SCN8A: variants seen among roughly 807,000 people sequenced by gnomAD.
SCN8A encodes the protein sodium channel protein type 8 subunit alpha.
SCN8A carries 30 observed loss-of-function variants against 184.1 expected under a neutral mutation model. That is an observed-to-expected ratio of 0.16 (90% CI 0.12 to 0.22). The LOEUF is 0.22. Ranked by LOEUF, SCN8A falls within the 10% of genes least tolerant of loss-of-function variation. SCN8A has a pLI of 1.00. For synonymous variants in SCN8A, 852 were observed against 907.0 expected (o/e 0.94, Z 1.09); for missense variants, 1,057 against 2,498.9 (o/e 0.42, Z 12.30).
intron 11 of SCN8A, among the ~76,000 whole-genome samples, chr12:51,720,075 C>CAAAAAAAA (rs397944526): frequency 1.2e-5 from 1 of 85,500 alleles, no homozygotes; most frequent in Non-Finnish European, 2.1e-5. Flanking sequence ...GACTCCGTCT[C>CAAAAAAAA]AAAAAAAAAA....
intron 1 of SCN8A, among the ~76,000 whole-genome samples, chr12:51,593,922 C>T (rs1939288330): frequency 6.6e-6 from 1 of 152,170 alleles, no homozygotes; most frequent in African/African-American, 2.4e-5. Flanking sequence ...TTTCAAATAG[C>T]AAGCAACTGT....
intron 1 of SCN8A, among the ~76,000 whole-genome samples, chr12:51,597,572 G>A (rs1370020994): frequency 4.6e-5 from 7 of 152,124 alleles, no homozygotes; most frequent in African/African-American, 1.7e-4. Context: ...GGGAGAAAAA[G>A]TCAAAATTAA....
chr12:51,774,269 C>G lies in SCN8A; in HGVS notation c.3726C>G (p.Ile1242Met). 1 of 1,614,154 alleles carries G rather than the reference C, an allele frequency of 6.2e-7. No homozygotes were observed. Among genetic ancestry groups the G allele is most frequent in the Non-Finnish European group, 8.5e-7 (1 of 1,180,010 alleles). Residue 1242 changes from isoleucine (I) to methionine (M), a missense_variant, in exon 20 of 27, where the codon ATC becomes ATG. Ile to Met is a conservative substitution (Grantham distance 10, BLOSUM62 1). Coordinates refer to ENST00000627620, the MANE Select transcript of SCN8A (RefSeq NM_001330260.2). Reference protein sequence around the residue: ...LEYADKVFTYIFILEMLLKWT... With the variant: ...LEYADKVFTYMFILEMLLKWT... ...ATGCTGACAAAGTCTTCACCTATAT[C>G]TTCATCCTGGAGATGTTGCTCAAGT...
chr12:51,719,754 GAGA>G (rs1371242891), intron 11 of SCN8A, among the ~76,000 whole-genome samples: 1 of 150,236 alleles, frequency 6.7e-6, no homozygotes, highest in Non-Finnish European at 1.5e-5. Context: ...GAAATTGAAG[GAGA>G]AGAATAAATA....
chr12:51,610,854 A>G (rs1939706230), intron 1 of SCN8A, among the ~76,000 whole-genome samples: 1 of 152,170 alleles, frequency 6.6e-6, no homozygotes, highest in Admixed American at 6.5e-5. Context: ...CACACTGTTG[A>G]TTACTGTAGC....
intron 26 of SCN8A, among the ~76,000 whole-genome samples, chr12:51,797,296 T>C (rs1234827590): frequency 6.6e-6 from 1 of 152,146 alleles, no homozygotes; most frequent in East Asian, 1.9e-4. Flanking sequence ...ACTTAAATGC[T>C]GATACGAAGT....
intron 14 of SCN8A, among the ~76,000 whole-genome samples, chr12:51,752,407 C>G (rs1364627131): frequency 6.6e-6 from 1 of 151,768 alleles, no homozygotes; most frequent in Non-Finnish European, 1.5e-5. Context: ...CTCACTCTCT[C>G]TCTCCCTCTC....
At chr12:51,613,932 T>G (rs1459244447) in intron 1 of SCN8A, among the ~76,000 whole-genome samples, 1 of 152,138 alleles carries the variant, frequency 6.6e-6, no homozygotes, top group Non-Finnish European at 1.5e-5. Context: ...TATTTCAATA[T>G]TTTACAATTT....
At chr12:51,606,894 T>G (rs570066267) in intron 1 of SCN8A, among the ~76,000 whole-genome samples, 22 of 151,182 alleles carry the variant, frequency 1.5e-4, no homozygotes, top group Admixed American at 1.4e-3. Context: ...TTATATATAT[T>G]TATTTATTTA....
At chr12:51,648,739 G>A (rs1359227118) in intron 1 of SCN8A, among the ~76,000 whole-genome samples, 3 of 152,156 alleles carry the variant, frequency 2.0e-5, no homozygotes, top group South Asian at 2.1e-4. Context: ...CCCACAACAC[G>A]TGGGAATCAT....
chr12:51,764,876 G>A (rs1261918761), intron 15 of SCN8A, among the ~76,000 whole-genome samples: 1 of 150,184 alleles, frequency 6.7e-6, no homozygotes, highest in Admixed American at 6.6e-5. Flanking sequence ...CCAGATTCAA[G>A]TGATTGTCAT....
chr12:51,684,270 G>A lies in SCN8A; in HGVS notation c.373G>A (p.Ala125Thr). 6.3e-7 allele frequency: 1 copy of A among 1,583,172 alleles called. No homozygotes were observed. Among genetic ancestry groups the A allele is most frequent in the Non-Finnish European group, 8.7e-7 (1 of 1,151,932 alleles). ...LSPFNLIRRI[A>T]IKILIHSVFS... ...TCCTTTTAACCTGATAAGAAGAATA[G>A]CTATTAAAATTTTGATACATTCATA... is the stretch of plus-strand genomic sequence containing the variant. Residue 125 changes from alanine (A) to threonine (T), a missense_variant, in exon 3 of 27, where the codon GCT becomes ACT. Around this residue, in one of 19 missense-constraint regions of SCN8A, gnomAD observed 66 missense variants for 276.4 expected, o/e 0.24. Transcript: ENST00000627620.
chr12:51,807,159 T>C lies in SCN8A; in HGVS notation c.5673T>C (p.Arg1891=). 1 of 1,613,770 alleles carries C rather than the reference T, an allele frequency of 6.2e-7. No individual in the cohort carries two copies. Among genetic ancestry groups the C allele is most frequent in the Non-Finnish European group, 8.5e-7 (1 of 1,179,858 alleles). Reference sequence around the variant, plus strand: ...ACGAGCCAATCACAACCACACTGCGTCGCAAGCAGGAGGAGGTATCTGCAG... The same window carrying C: ...ACGAGCCAATCACAACCACACTGCGCCGCAAGCAGGAGGAGGTATCTGCAG... ...VSYEPITTTL[R]RKQEEVSAVV... Residue 1891 remains arginine (R), a synonymous_variant, in exon 27 of 27, where the codon CGT becomes CGC. Transcript: ENST00000627620. This position sits in a 1 kb window ranked among gnomAD's most constrained non-coding sequence, Gnocchi z 4.5.
intron 9 of SCN8A, among the ~76,000 whole-genome samples, chr12:51,703,210 T>C (rs1299059267): frequency 6.6e-6 from 1 of 150,850 alleles, no homozygotes; most frequent in Non-Finnish European, 1.5e-5. Flanking sequence ...ATATCTCCTT[T>C]TGGATATTTG....
At chr12:51,662,130 C>T (rs552428994) in intron 1 of SCN8A, among the ~76,000 whole-genome samples, 2 of 152,284 alleles carry the variant, frequency 1.3e-5, no homozygotes, top group East Asian at 3.9e-4. Context: ...AGTATCTGCC[C>T]TCTGAGCTTG....
intron 1 of SCN8A, among the ~76,000 whole-genome samples, chr12:51,654,268 A>C (rs897369140): frequency 2.6e-5 from 4 of 152,160 alleles, no homozygotes; most frequent in African/African-American, 9.7e-5. Flanking sequence ...TCATTGACAG[A>C]TCCAATGTTA....
At chr12:51,785,614 A>G (rs914344448) in intron 21 of SCN8A, among the ~76,000 whole-genome samples, 10 of 152,328 alleles carry the variant, frequency 6.6e-5, no homozygotes, top group African/African-American at 2.2e-4. Flanking sequence ...AGCAAAATCA[A>G]AGTTGAAAAC....
intron 1 of SCN8A, among the ~76,000 whole-genome samples, chr12:51,636,294 C>A (rs1940316752): frequency 6.6e-6 from 1 of 152,174 alleles, no homozygotes. Flanking sequence ...CAGCGCCTGG[C>A]CGAGTATTTG....
chr12:51,780,908 C>T (rs1047372514), intron 21 of SCN8A, 137 bp downstream of exon 21: 5 of 1,107,212 alleles, frequency 4.5e-6, no homozygotes, highest in Admixed American at 4.2e-5. Flanking sequence ...TCCACTCTCT[C>T]CCCCACACCT....
Sources: allele counts gnomAD v4.1 joint callset (sites outside exome capture counted in the v4.1 genomes callset), GRCh38; gene constraint gnomAD v4.1.1; regional missense constraint gnomAD v4.1.1; non-coding constraint Gnocchi (gnomAD v3.1); transcripts MANE v1.5; gene names NCBI Gene and HGNC (gene_info 2026-07-23, HGNC 2026-07-21).